Variants in CLMP observed in about 807,000 individuals in gnomAD.
The protein encoded by CLMP is CXADR like cell adhesion molecule.
In CLMP, 27 loss-of-function variants were observed where a neutral mutation model predicts 45.2. The ratio of observed to expected loss-of-function variants is 0.60; its 90% CI spans 0.44 to 0.82. The LOEUF (loss-of-function observed/expected upper bound fraction) is 0.82, where lower values mean the gene tolerates loss of function less well. CLMP is among the 40% of genes least tolerant of loss of function. CLMP has a pLI of 0.00. For missense variants in CLMP, 403 were observed against 448.4 expected, an observed-to-expected ratio of 0.90 and a Z score of 0.91; for synonymous variants, 167 against 171.4, an observed-to-expected ratio of 0.97 and a Z score of 0.20.
Position 123,087,352 on chromosome 11 carries a change from A to C in CLMP, c.187-2639T>G, listed in dbSNP as rs186223604. Among the ~76,000 whole-genome samples the C allele has an allele frequency of 4.1e-3, 629 of 151,990 alleles. 5 individuals carry two copies. The highest frequency in any genetic ancestry group is 0.015 in the African/African-American group (605 of 41,476). ...AACTCCGTCTCAAAAAAAAAAAGAAAGAAAGAAAAAACTAGGTGTGGTGGT... is the reference window on the plus strand; with the variant it reads ...AACTCCGTCTCAAAAAAAAAAAGAACGAAAGAAAAAACTAGGTGTGGTGGT... On this transcript the variant is annotated intron_variant, in intron 2 of 6. Transcript: ENST00000448775.
intron 5 of CLMP, among the ~76,000 whole-genome samples, chr11:123,075,925 C>T (rs1217830841): frequency 1.3e-5 from 2 of 152,274 alleles, no homozygotes; most frequent in Admixed American, 1.3e-4. Flanking sequence ...GTAATCCCAG[C>T]ACTTTGGGAG....
intron 5 of CLMP, among the ~76,000 whole-genome samples, chr11:123,076,444 A>G (rs888342525): frequency 6.6e-6 from 1 of 152,248 alleles, no homozygotes; most frequent in Non-Finnish European, 1.5e-5. Context: ...AATAAAGATA[A>G]TTTCAGATAA....
At chr11:123,182,090 T>C (rs1861776933) in intron 1 of CLMP, among the ~76,000 whole-genome samples, 1 of 152,250 alleles carries the variant, frequency 6.6e-6, no homozygotes, top group South Asian at 2.1e-4. Flanking sequence ...TCTGACAGTC[T>C]GGTTTTAGAG....
At chr11:123,178,026 C>CCTG (rs1188048829) in intron 1 of CLMP, among the ~76,000 whole-genome samples, 4 of 151,950 alleles carry the variant, frequency 2.6e-5, no homozygotes, top group Non-Finnish European at 4.4e-5. Context: ...CTATGCTGGG[C>CCTG]TAATTTTTTT....
In CLMP at chr11:123,071,389, A is replaced by G. The variant is rs10892960; in HGVS notation, c.*2085T>C. 52,086 of 151,944 alleles carry G rather than the reference A, an allele frequency of 0.34. 10,244 individuals are homozygous for G. Among genetic ancestry groups the G allele is most frequent in the East Asian group, 0.58 (3,022 of 5,172 alleles). The allele number at this position is 151,944 out of a possible 1,614,324, so 9.4% of individuals were successfully genotyped here. On this transcript the variant is annotated 3_prime_UTR_variant, in exon 7 of 7. Coordinates refer to ENST00000448775, the MANE Select transcript of CLMP (RefSeq NM_024769.5). Reference sequence around the variant, plus strand: ...GGTGGAGGTCGCAGTGAGCCGAGATACGCCACTGCACTCCAGCCTGCGTGA... The same window carrying G: ...GGTGGAGGTCGCAGTGAGCCGAGATGCGCCACTGCACTCCAGCCTGCGTGA...
chr11:123,081,472 A>T (rs989910720), intron 5 of CLMP, among the ~76,000 whole-genome samples: 2 of 152,184 alleles, frequency 1.3e-5, no homozygotes, highest in African/African-American at 4.8e-5. Context: ...TAAATTGATT[A>T]AGGAGAAATA....
chr11:123,108,257 G>C (rs1039917615), intron 1 of CLMP, among the ~76,000 whole-genome samples: 1 of 152,146 alleles, frequency 6.6e-6, no homozygotes, highest in African/African-American at 2.4e-5. Context: ...TATTTACTAT[G>C]AGCTGCTAAA....
At chr11:123,172,627 G>A (rs188946479) in intron 1 of CLMP, among the ~76,000 whole-genome samples, 5 of 152,120 alleles carry the variant, frequency 3.3e-5, no homozygotes, top group Admixed American at 6.5e-5. Context: ...GACTATAGTC[G>A]TGAGCCACTA....
chr11:123,109,059 C>CAA (rs776811883), intron 1 of CLMP, among the ~76,000 whole-genome samples: 89 of 64,084 alleles, frequency 1.4e-3, no homozygotes, highest in East Asian at 5.8e-3. Context: ...AACTCTGTCT[C>CAA]AAAAAAAAAA....
chr11:123,186,608 C>T (rs1221938116), intron 1 of CLMP, among the ~76,000 whole-genome samples: 2 of 151,978 alleles, frequency 1.3e-5, no homozygotes, highest in African/African-American at 2.4e-5. Flanking sequence ...CTGCAATCTC[C>T]GCCTCCCAGG....
intron 1 of CLMP, among the ~76,000 whole-genome samples, chr11:123,169,278 C>T (rs1861599019): frequency 6.6e-6 from 1 of 152,192 alleles, no homozygotes. Flanking sequence ...ATTGAGGAGC[C>T]AAGAGCCCTG....
At chr11:123,118,999 TTCTCTCTC>T (rs1248549147) in intron 1 of CLMP, among the ~76,000 whole-genome samples, 4 of 14,148 alleles carry the variant, frequency 2.8e-4, no homozygotes, top group Admixed American at 9.6e-4. Flanking sequence ...CTTTCTTTCT[TTCTCTCTC>T]TCTCTCTCTC....
chr11:123,156,175 G>T (rs1861411979), intron 1 of CLMP, among the ~76,000 whole-genome samples: 1 of 152,204 alleles, frequency 6.6e-6, no homozygotes, highest in Non-Finnish European at 1.5e-5. Flanking sequence ...CACAGGCACT[G>T]AGGAAAGGCC....
In CLMP at chr11:123,109,963, A is replaced by T. The variant is rs569621508; in HGVS notation, c.29-12011T>A. ...GAGAAAAATATATGAGGAACAGCTAATGCAGTTATAGGTGAACAAATTATG... is the reference window on the plus strand; with the variant it reads ...GAGAAAAATATATGAGGAACAGCTATTGCAGTTATAGGTGAACAAATTATG... On this transcript the variant is annotated intron_variant, in intron 1 of 6. Coordinates refer to ENST00000448775, the MANE Select transcript of CLMP (RefSeq NM_024769.5). Among the ~76,000 whole-genome samples, 7 of 152,312 alleles carry T rather than the reference A, an allele frequency of 4.6e-5. No individual in the cohort carries two copies. In the South Asian group the frequency reaches 1.0e-3, roughly 23 times the overall value.
intron 1 of CLMP, among the ~76,000 whole-genome samples, chr11:123,172,663 T>C (rs911603051): frequency 2.6e-5 from 4 of 152,086 alleles, no homozygotes; most frequent in Admixed American, 2.6e-4. Context: ...TTGTTAATTA[T>C]TTTGTAGAGA....
intron 1 of CLMP, among the ~76,000 whole-genome samples, chr11:123,110,956 A>G (rs1267349869): frequency 6.6e-6 from 1 of 152,102 alleles, no homozygotes; most frequent in Non-Finnish European, 1.5e-5. Flanking sequence ...TGGATGTTAA[A>G]CCCAATATTT....
At chr11:123,123,159 C>T (rs1418256532) in intron 1 of CLMP, among the ~76,000 whole-genome samples, 1 of 151,638 alleles carries the variant, frequency 6.6e-6, no homozygotes, top group Non-Finnish European at 1.5e-5. Context: ...CTTTTCTGGG[C>T]GTATCATATT....
intron 1 of CLMP, among the ~76,000 whole-genome samples, chr11:123,153,656 G>A (rs896523487): frequency 3.9e-5 from 6 of 152,140 alleles, no homozygotes; most frequent in Non-Finnish European, 5.9e-5. Context: ...CACGGCCGGA[G>A]GGATTCCCTT....
intron 1 of CLMP, among the ~76,000 whole-genome samples, chr11:123,151,124 A>G (rs757245685): frequency 6.6e-6 from 1 of 152,216 alleles, no homozygotes; most frequent in Non-Finnish European, 1.5e-5. Flanking sequence ...AGGAAGGAGG[A>G]CCAGCGTGCT....
Sources: allele counts gnomAD v4.1 joint callset (sites outside exome capture counted in the v4.1 genomes callset), GRCh38; gene constraint gnomAD v4.1.1; transcripts MANE v1.5; gene names NCBI Gene and HGNC (gene_info 2026-07-23, HGNC 2026-07-21).